ZFPM2: variants seen among roughly 807,000 people sequenced by gnomAD.
The protein encoded by ZFPM2 is zinc finger protein ZFPM2.
ZFPM2 carries 20 observed loss-of-function variants against 98.6 expected under a neutral mutation model. That is an observed-to-expected ratio of 0.20 (90% CI 0.14 to 0.29). ZFPM2 has a LOEUF of 0.29. Among genes scored for constraint, ZFPM2 ranks in the 10% least tolerant of loss-of-function variants. The pLI, the probability that ZFPM2 is intolerant of heterozygous loss-of-function variation, is 1.00. For synonymous variants in ZFPM2, 518 were observed against 502.7 expected (o/e 1.03, Z -0.41); for missense variants, 1,310 against 1,388.6 (o/e 0.94, Z 0.90).
intron 2 of ZFPM2, among the ~76,000 whole-genome samples, chr8:105,420,616 G>C (rs1811773054): frequency 6.6e-6 from 1 of 152,144 alleles, no homozygotes; most frequent in African/African-American, 2.4e-5. Flanking sequence ...TTTTCCTAGT[G>C]TTGACTCAGA....
intron 1 of ZFPM2, among the ~76,000 whole-genome samples, chr8:105,399,014 T>C (rs1801284318): frequency 6.6e-6 from 1 of 152,002 alleles, no homozygotes; most frequent in African/African-American, 2.4e-5. Flanking sequence ...GAAGAGCAAG[T>C]GCAAAGACCC....
At chr8:105,362,268 A>AT (rs1563621848) in intron 1 of ZFPM2, among the ~76,000 whole-genome samples, 1 of 151,788 alleles carries the variant, frequency 6.6e-6, no homozygotes, top group Non-Finnish European at 1.5e-5. Flanking sequence ...GCCCTGCCAA[A>AT]TTTTTTTTCA....
At chr8:105,478,983 G>T (rs1221072811) in intron 3 of ZFPM2, among the ~76,000 whole-genome samples, 3 of 152,138 alleles carry the variant, frequency 2.0e-5, no homozygotes, top group Non-Finnish European at 4.4e-5. Context: ...TTTATTTTCT[G>T]GTTGCTCTTC....
At chr8:105,535,817 A>G (rs1270434682) in intron 3 of ZFPM2, among the ~76,000 whole-genome samples, 2 of 152,142 alleles carry the variant, frequency 1.3e-5, no homozygotes, top group African/African-American at 4.8e-5. Context: ...ATGTTCATGG[A>G]CTTCAGTATT....
chr8:105,430,130 C>A (rs1811992288), intron 2 of ZFPM2, among the ~76,000 whole-genome samples: 1 of 152,090 alleles, frequency 6.6e-6, no homozygotes, highest in African/African-American at 2.4e-5. Context: ...TAGTTCTGAC[C>A]TTTACTGTGG....
chr8:105,507,527 A>G (rs1236127233), intron 3 of ZFPM2, among the ~76,000 whole-genome samples: 3 of 152,240 alleles, frequency 2.0e-5, no homozygotes, highest in Admixed American at 2.0e-4. Context: ...ACCTATCTCA[A>G]AGTGTTGCAT....
At chr8:105,506,580 A>G (rs16873236) in intron 3 of ZFPM2, among the ~76,000 whole-genome samples, 11,629 of 152,230 alleles carry the variant, frequency 0.076, 1,441 homozygotes, top group African/African-American at 0.26. Context: ...AATTTGGGAA[A>G]TGACATTAAA....
intron 5 of ZFPM2, among the ~76,000 whole-genome samples, chr8:105,773,784 A>T (rs1586253386): frequency 1.3e-5 from 2 of 152,174 alleles, no homozygotes; most frequent in African/African-American, 4.8e-5. Context: ...GTTTGATCTT[A>T]GTCATCTTTA....
Position 105,484,166 on chromosome 8 carries a change from G to A in ZFPM2, c.301+39785G>A, listed in dbSNP as rs534706749. Among the ~76,000 whole-genome samples, 38 of 151,988 alleles carry A rather than the reference G, an allele frequency of 2.5e-4. No individual in the cohort carries two copies. In the South Asian group the frequency reaches 6.9e-3, roughly 27 times the overall value. ...AATATAATGATTCATTTCATTCATC[G>A]ATTTCAGAAAGCTTTAGACATTATT... is the stretch of plus-strand genomic sequence containing the variant. On this transcript the variant is annotated intron_variant, in intron 3 of 7. Coordinates refer to ENST00000407775, the MANE Select transcript of ZFPM2 (RefSeq NM_012082.4).
chr8:105,549,957 T>C (rs1391917897), intron 3 of ZFPM2, among the ~76,000 whole-genome samples: 1 of 150,588 alleles, frequency 6.6e-6, no homozygotes, highest in Non-Finnish European at 1.5e-5. Context: ...ATATGTCATT[T>C]AGTGCTTATT....
At chr8:105,452,843 G>A (rs1385115218) in intron 3 of ZFPM2, among the ~76,000 whole-genome samples, 1 of 152,046 alleles carries the variant, frequency 6.6e-6, no homozygotes, top group Non-Finnish European at 1.5e-5. Flanking sequence ...GAGATTATTG[G>A]CATTGATTTC....
At chr8:105,395,738 C>T (rs1396070753) in intron 1 of ZFPM2, among the ~76,000 whole-genome samples, 3 of 152,170 alleles carry the variant, frequency 2.0e-5, no homozygotes, top group Admixed American at 2.0e-4. Flanking sequence ...CATAATTGGA[C>T]ACACGTAATT....
intron 6 of ZFPM2, 87 bp downstream of exon 6, chr8:105,789,011 C>T: frequency 1.8e-6 from 2 of 1,106,444 alleles, no homozygotes; most frequent in Non-Finnish European, 2.5e-6. Context: ...AAACCAGGAA[C>T]AGACCTTTTT....
chr8:105,733,095 C>T (rs545963609), intron 5 of ZFPM2, among the ~76,000 whole-genome samples: 28 of 151,880 alleles, frequency 1.8e-4, no homozygotes, highest in African/African-American at 6.3e-4. Flanking sequence ...TGAATCCGTT[C>T]AATATAATAA....
Position 105,788,667 on chromosome 8 carries a change from G to C in ZFPM2, c.533-51G>C, listed in dbSNP as rs1409544152. On this transcript the variant is annotated intron_variant, in intron 5 of 7. Coordinates refer to ENST00000407775, the MANE Select transcript of ZFPM2 (RefSeq NM_012082.4). ...ATGGACATCAATCTAGTTTACAACA[G>C]ACTCAAGCATCCTATGTCAATTTTA... 5 of 1,564,932 alleles carry C rather than the reference G, an allele frequency of 3.2e-6. No individual in the cohort carries two copies. In the African/African-American group the frequency reaches 4.1e-5, roughly 13 times the overall value.
intron 3 of ZFPM2, among the ~76,000 whole-genome samples, chr8:105,537,462 G>A (rs761479568): frequency 4.6e-5 from 7 of 152,112 alleles, no homozygotes; most frequent in Non-Finnish European, 8.8e-5. Context: ...GACGGCTTGA[G>A]GCCATGAGTT....
In ZFPM2 at chr8:105,802,007, A is replaced by G; in HGVS notation, c.1925A>G (p.His642Arg). The G allele has an allele frequency of 1.2e-6, 2 of 1,613,838 alleles. No individual in the cohort carries two copies. The highest frequency in any genetic ancestry group is 1.7e-6 in the Non-Finnish European group (2 of 1,179,870). The change falls in exon 8 of 8, where the codon CAT becomes CGT. Residue 642 changes from histidine to arginine, a missense_variant. By Grantham distance (29) the His-to-Arg change is conservative. Transcript: ENST00000407775. ...LDLIGPNGKG[H>R]DKDFSTQTKK... The stretch of plus-strand genomic sequence containing the variant: ...TTAATTGGGCCAAATGGGAAGGGCC[A>G]TGACAAGGACTTTTCCACTCAAACT...
chr8:105,789,878 G>T (rs1813546381), intron 6 of ZFPM2, among the ~76,000 whole-genome samples: 1 of 150,152 alleles, frequency 6.7e-6, no homozygotes, highest in South Asian at 2.1e-4. Context: ...CTGCATAAAT[G>T]TCTTCTTTTG....
At chr8:105,409,796 C>T (rs1811540190) in intron 1 of ZFPM2, among the ~76,000 whole-genome samples, 1 of 151,860 alleles carries the variant, frequency 6.6e-6, no homozygotes, top group African/African-American at 2.4e-5. Flanking sequence ...CACAGAGTTT[C>T]TGAAATCGGT....
Sources: allele counts gnomAD v4.1 joint callset (sites outside exome capture counted in the v4.1 genomes callset), GRCh38; gene constraint gnomAD v4.1.1; transcripts MANE v1.5; gene names NCBI Gene and HGNC (gene_info 2026-07-23, HGNC 2026-07-21).